STK32B: variants seen among roughly 807,000 people sequenced by gnomAD.
The protein encoded by STK32B is serine/threonine kinase 32B, also known as serine/threonine-protein kinase 32B.
STK32B carries 43 observed loss-of-function variants against 52.6 expected under a neutral mutation model. The observed-to-expected ratio is 0.82, with a 90% CI of 0.64 to 1.05. STK32B has a LOEUF of 1.05. STK32B is among the 50% of genes least tolerant of loss of function. The pLI is 0.00. For missense variants in STK32B, 621 were observed against 534.6 expected, an observed-to-expected ratio of 1.16 and a Z score of -1.59; for synonymous variants, 238 against 204.3, an observed-to-expected ratio of 1.17 and a Z score of -1.41.
chr4:5,111,339 A>G (rs896910239), intron 1 of STK32B, among the ~76,000 whole-genome samples: 3 of 152,190 alleles, frequency 2.0e-5, no homozygotes, highest in Non-Finnish European at 4.4e-5. Flanking sequence ...ACTATTTATA[A>G]TAGCAGAGTC....
chr4:5,342,737 C>T (rs769752987), intron 4 of STK32B, among the ~76,000 whole-genome samples: 54 of 152,316 alleles, frequency 3.5e-4, no homozygotes, highest in Non-Finnish European at 6.0e-4. Context: ...TCTCTAAGGG[C>T]AGGCACTTTT....
chr4:5,179,428 A>G (rs1412876313), intron 3 of STK32B, among the ~76,000 whole-genome samples: 2 of 152,212 alleles, frequency 1.3e-5, no homozygotes, highest in Non-Finnish European at 2.9e-5. Flanking sequence ...TTTATATAGT[A>G]TCCACCTATT....
chr4:5,274,996 C>T (rs927336824), intron 3 of STK32B, among the ~76,000 whole-genome samples: 6 of 152,316 alleles, frequency 3.9e-5, no homozygotes, highest in Middle Eastern at 3.4e-3. Context: ...CTGGGTTCCA[C>T]GGTGCTCTTC....
chr4:5,379,897 A>T (rs914783321), intron 4 of STK32B, among the ~76,000 whole-genome samples: 1 of 152,176 alleles, frequency 6.6e-6, no homozygotes, highest in Non-Finnish European at 1.5e-5. Flanking sequence ...GCTGCACTTG[A>T]TAAAACTTTG....
At chr4:5,222,811 A>G (rs1007769920) in intron 3 of STK32B, among the ~76,000 whole-genome samples, 1 of 152,210 alleles carries the variant, frequency 6.6e-6, no homozygotes, top group Non-Finnish European at 1.5e-5. Flanking sequence ...CCATGTATAC[A>G]GTAAAAAAAT....
At chr4:5,372,275 G>A (rs187554375) in intron 4 of STK32B, among the ~76,000 whole-genome samples, 2 of 152,346 alleles carry the variant, frequency 1.3e-5, no homozygotes, top group South Asian at 4.1e-4. Context: ...TGACCCATGA[G>A]TGAAGGAGGA....
intron 6 of STK32B, among the ~76,000 whole-genome samples, chr4:5,424,407 G>A (rs1712906331): frequency 6.6e-6 from 1 of 152,174 alleles, no homozygotes; most frequent in East Asian, 1.9e-4. Context: ...ACCGGAGTGA[G>A]AACTTGTGAT....
At chr4:5,374,060 A>G (rs1228857189) in intron 4 of STK32B, among the ~76,000 whole-genome samples, 9 of 152,198 alleles carry the variant, frequency 5.9e-5, no homozygotes, top group Admixed American at 5.9e-4. Flanking sequence ...AGAAGAGGAA[A>G]TGCAGAGGGG....
intron 5 of STK32B, among the ~76,000 whole-genome samples, chr4:5,412,411 G>A (rs910152731): frequency 3.9e-5 from 6 of 152,176 alleles, no homozygotes; most frequent in African/African-American, 9.7e-5. Flanking sequence ...GCATAGCCAG[G>A]GGAAAGCAGA....
At chr4:5,466,560 CAG>C in intron 9 of STK32B, 141 bp from the exon 10 acceptor site, 4 of 1,148,548 alleles carry the variant, frequency 3.5e-6, no homozygotes, top group Non-Finnish European at 4.7e-6. Context: ...CATCAGAAAA[CAG>C]AAACAAAGGT....
chr4:5,299,171 T>TG (rs1381802973), intron 3 of STK32B, among the ~76,000 whole-genome samples: 1 of 151,852 alleles, frequency 6.6e-6, no homozygotes, highest in Non-Finnish European at 1.5e-5. Context: ...GTACCTCAGT[T>TG]GGAAATGCAG....
the STK32B span, among the ~76,000 whole-genome samples, chr4:5,032,249 G>A: frequency 5.3e-5 from 8 of 151,330 alleles, no homozygotes; most frequent in Admixed American, 2.0e-4. Context: ...CAAGACGGGC[G>A]GATCACTTGA....
intron 1 of STK32B, among the ~76,000 whole-genome samples, chr4:5,083,135 C>T (rs1010395116): frequency 6.6e-6 from 1 of 152,140 alleles, no homozygotes; most frequent in African/African-American, 2.4e-5. Flanking sequence ...ACTTGATTTT[C>T]TAAAGTAGAA....
At position 5,467,036 on chromosome 4, in the gene STK32B, C is replaced by T. The variant is rs1037944670; in HGVS notation, c.1041+202C>T. 4.6e-5 allele frequency among the ~76,000 whole-genome samples: 7 copies of T among 152,166 alleles called. No individual in the cohort carries two copies. Among genetic ancestry groups the T allele is most frequent in the Admixed American group, 3.9e-4 (6 of 15,278 alleles). On this transcript the variant is annotated intron_variant, in intron 10 of 11. Transcript: ENST00000282908. The surrounding 1 kb of genome is among the most constrained non-coding windows in gnomAD (Gnocchi z 5.8). ...ATTCACACTCCTGGCATTCCTTGAG[C>T]GCTATTCCTACAGCAGGAAGCTTGT...
chr4:5,322,143 G>T (rs2108939983), intron 3 of STK32B, among the ~76,000 whole-genome samples: 1 of 152,198 alleles, frequency 6.6e-6, no homozygotes, highest in South Asian at 2.1e-4. Flanking sequence ...AGACCAGCCT[G>T]GGCAACACAG....
chr4:5,257,898 G>A (rs776129823), intron 3 of STK32B, among the ~76,000 whole-genome samples: 5 of 152,146 alleles, frequency 3.3e-5, no homozygotes, highest in East Asian at 3.9e-4. Flanking sequence ...AGCCAAGATC[G>A]TGCCACTGCA....
Position 5,438,037 on chromosome 4 carries a change from A to G in STK32B, c.563-8636A>G, listed in dbSNP as rs1011764458. On this transcript the variant is annotated intron_variant, in intron 6 of 11. Coordinates refer to ENST00000282908, the MANE Select transcript of STK32B (RefSeq NM_018401.3). The stretch of plus-strand genomic sequence containing the variant: ...ACAGGATCACTCTGCTGCTGCTTCT[A>G]CCCTGAGTTCTGAATGGACTTGGGG... 2.9e-5 allele frequency: 29 copies of G among 985,408 alleles called. No individual in the cohort carries two copies. The Admixed American group carries it at 3.7e-4, about 13-fold the overall frequency. The allele number at this position is 985,408 out of a possible 1,614,324, so 61.0% of individuals were successfully genotyped here. A position where few individuals can be genotyped will look rare whatever the true frequency, so the allele number is the denominator to read the frequency against.
At chr4:5,456,416 A>T (rs1716526642) in intron 7 of STK32B, among the ~76,000 whole-genome samples, 1 of 152,210 alleles carries the variant, frequency 6.6e-6, no homozygotes, top group South Asian at 2.1e-4. Context: ...AAGGCCCAGC[A>T]AGTGGGGGCT....
chr4:5,434,910 G>T (rs1259180615), intron 6 of STK32B, among the ~76,000 whole-genome samples: 1 of 152,122 alleles, frequency 6.6e-6, no homozygotes, highest in African/African-American at 2.4e-5. Flanking sequence ...AATAATAGTG[G>T]AACAGCTGTA....
Sources: gnomAD v4.1 joint callset for allele counts (sites outside exome capture counted in the v4.1 genomes callset) on GRCh38, gnomAD v4.1.1 for gene constraint, Gnocchi (gnomAD v3.1) non-coding constraint, MANE v1.5 for transcripts, NCBI Gene and HGNC (gene_info 2026-07-23, HGNC 2026-07-21) for gene names.